HDX: variants seen among roughly 807,000 people sequenced by gnomAD.
HDX encodes highly divergent homeobox.
HDX carries 19 observed loss-of-function variants against 45.2 expected under a neutral mutation model. The ratio of observed to expected loss-of-function variants is 0.42; its 90% CI spans 0.29 to 0.62. HDX has a LOEUF of 0.62. HDX is among the 20% of genes least tolerant of loss of function. The pLI is 0.20. For missense variants in HDX, 532 were observed against 493.9 expected, an observed-to-expected ratio of 1.08 and a Z score of -0.73; for synonymous variants, 188 against 172.8, an observed-to-expected ratio of 1.09 and a Z score of -0.69.
At chrX:84,461,085 G>A (rs1448404508) in intron 4 of HDX, among the ~76,000 whole-genome samples, 2 of 111,067 alleles carry the variant, frequency 1.8e-5, no homozygotes, top group Non-Finnish European at 3.8e-5. Context: ...TATTTTTAAG[G>A]TGTCTATACT....
chrX:84,427,264 G>C (rs1477277564), intron 5 of HDX, among the ~76,000 whole-genome samples: 1 of 110,508 alleles, frequency 9.0e-6, no homozygotes, highest in African/African-American at 3.3e-5. Flanking sequence ...AAATACCTGG[G>C]TTCTCCAATA....
At chrX:84,428,723 C>G (rs936509333) in intron 5 of HDX, among the ~76,000 whole-genome samples, 1 of 110,823 alleles carries the variant, frequency 9.0e-6, no homozygotes, top group Non-Finnish European at 1.9e-5. Flanking sequence ...GTGATACATT[C>G]TAATTTATCA....
At chrX:84,415,597 CAAT>C (rs2039085058) in intron 5 of HDX, among the ~76,000 whole-genome samples, 1 of 112,002 alleles carries the variant, frequency 8.9e-6, no homozygotes, top group Admixed American at 9.5e-5. Context: ...GCCATAGAGA[CAAT>C]AGCTGCTTTC....
chrX:84,372,486 A>G (rs1338981556), intron 5 of HDX, among the ~76,000 whole-genome samples: 1 of 112,103 alleles, frequency 8.9e-6, no homozygotes, highest in Non-Finnish European at 1.9e-5. Flanking sequence ...AGCACACAGC[A>G]AGTTTACATT....
intron 6 of HDX, among the ~76,000 whole-genome samples, chrX:84,358,905 T>C (rs955384381): frequency 3.6e-5 from 4 of 111,156 alleles, no homozygotes; most frequent in Non-Finnish European, 5.7e-5. Context: ...TCTACTGAGA[T>C]GATCCTCCAG....
At position 84,450,687 on chromosome X, in the gene HDX, C is replaced by A. The variant is rs191125700; in HGVS notation, c.1252-10102G>T. On this transcript the variant is annotated intron_variant, in intron 4 of 10. Coordinates refer to ENST00000373177, the MANE Select transcript of HDX (RefSeq NM_001177479.2). ...ACTGTATTTAAACCATAAATTACAT[C>A]AATTGGACTTAAAACACATTTACAG... Among the ~76,000 whole-genome samples, 305 of 112,183 alleles carry A rather than the reference C, an allele frequency of 2.7e-3. 1 individual carries two copies. Among genetic ancestry groups the A allele is most frequent in the African/African-American group, 9.6e-3 (298 of 30,993 alleles).
chrX:84,376,084 G>C (rs908120363), intron 5 of HDX, among the ~76,000 whole-genome samples: 2 of 112,170 alleles, frequency 1.8e-5, no homozygotes, highest in Non-Finnish European at 3.8e-5. Flanking sequence ...AACAACTGGA[G>C]ATCACCTGCT....
At chrX:84,330,836 G>C (rs1419747245) in intron 9 of HDX, among the ~76,000 whole-genome samples, 1 of 111,949 alleles carries the variant, frequency 8.9e-6, no homozygotes, top group Non-Finnish European at 1.9e-5. Flanking sequence ...TCTTCACAGA[G>C]CTGCTTTGCA....
chrX:84,343,651 T>A (rs2037135573), intron 7 of HDX, among the ~76,000 whole-genome samples: 1 of 111,028 alleles, frequency 9.0e-6, no homozygotes, highest in Admixed American at 9.6e-5. Flanking sequence ...TAAAAATATG[T>A]CAAAAGAGAA....
intron 9 of HDX, among the ~76,000 whole-genome samples, chrX:84,331,633 T>C (rs73507043): frequency 9.0e-6 from 1 of 111,697 alleles, no homozygotes; most frequent in African/African-American, 3.2e-5. Flanking sequence ...GTCAACAATG[T>C]GCCACATATA....
intron 9 of HDX, among the ~76,000 whole-genome samples, chrX:84,330,684 T>C (rs1307951488): frequency 8.9e-6 from 1 of 111,961 alleles, no homozygotes; most frequent in Non-Finnish European, 1.9e-5. Flanking sequence ...TAGGAAACAT[T>C]GATTCACATT....
intron 3 of HDX, among the ~76,000 whole-genome samples, chrX:84,471,012 G>A (rs1010210958): frequency 3.6e-5 from 4 of 111,503 alleles, no homozygotes; most frequent in Admixed American, 9.6e-5. Flanking sequence ...CCTAAAAAAC[G>A]AATTAAAATA....
chrX:84,435,710 C>G (rs775779270), intron 5 of HDX, among the ~76,000 whole-genome samples: 2 of 108,584 alleles, frequency 1.8e-5, no homozygotes, highest in East Asian at 5.8e-4. Context: ...ACGTTTAAAT[C>G]TTTAATCCAT....
At chrX:84,477,598 C>A (rs989576721) in intron 2 of HDX, among the ~76,000 whole-genome samples, 2 of 111,401 alleles carry the variant, frequency 1.8e-5, no homozygotes, top group Non-Finnish European at 1.9e-5. Flanking sequence ...GAAGTTAATT[C>A]TTTACAACAA....
chrX:84,446,190 GAGCCCCTAA>G (rs923710266), intron 4 of HDX, among the ~76,000 whole-genome samples: 2 of 111,339 alleles, frequency 1.8e-5, no homozygotes, highest in African/African-American at 3.3e-5. Context: ...CACAAATCTA[GAGCCCCTAA>G]AATTATGTTC....
At chrX:84,404,730 C>T (rs1186335753) in intron 5 of HDX, among the ~76,000 whole-genome samples, 4 of 111,297 alleles carry the variant, frequency 3.6e-5, no homozygotes, top group Non-Finnish European at 7.6e-5. Flanking sequence ...CTTCCAGTTT[C>T]TTAAGTACTT....
intron 1 of HDX, among the ~76,000 whole-genome samples, chrX:84,489,351 C>A (rs1271288213): frequency 9.0e-6 from 1 of 111,655 alleles, no homozygotes; most frequent in Non-Finnish European, 1.9e-5. Context: ...AAACAACTGC[C>A]ATCTTTTGCT....
At position 84,479,378 on chromosome X, in the gene HDX, T is replaced by C. The variant is rs1037086975; in HGVS notation, c.1-3981A>G. 2.7e-5 allele frequency among the ~76,000 whole-genome samples: 3 copies of C among 112,132 alleles called. No individual in the cohort carries two copies. In the South Asian group the frequency reaches 1.1e-3, roughly 41 times the overall value. On this transcript the variant is annotated intron_variant, in intron 2 of 10. Coordinates refer to ENST00000373177, the MANE Select transcript of HDX (RefSeq NM_001177479.2). ...CATTTGAGATAAATCTGTGTTGCTG[T>C]GTGTCATCAGTAGTTTGTTCCTTTT... is the stretch of plus-strand genomic sequence containing the variant.
At chrX:84,404,507 C>A (rs1424716650) in intron 5 of HDX, among the ~76,000 whole-genome samples, 6 of 110,755 alleles carry the variant, frequency 5.4e-5, no homozygotes, top group Non-Finnish European at 1.1e-4. Context: ...TAATACAGTA[C>A]CAATTCAATT....
Sources: allele counts gnomAD v4.1 joint callset (sites outside exome capture counted in the v4.1 genomes callset), GRCh38; gene constraint gnomAD v4.1.1; transcripts MANE v1.5; gene names NCBI Gene and HGNC (gene_info 2026-07-23, HGNC 2026-07-21).